The following TATDN2 variants were observed in gnomAD, a reference collection of about 807,000 sequenced individuals.
TATDN2 encodes TatD DNase domain containing 2.
In TATDN2, 44 loss-of-function variants were observed where a neutral mutation model predicts 60.3. The ratio of observed to expected loss-of-function variants is 0.73; its 90% CI spans 0.57 to 0.94. TATDN2 has a LOEUF of 0.94. Among genes scored for constraint, TATDN2 ranks in the 40% least tolerant of loss-of-function variants. The pLI is 0.00. For missense variants in TATDN2, 997 were observed against 948.0 expected, an observed-to-expected ratio of 1.05 and a Z score of -0.68; for synonymous variants, 399 against 355.8, an observed-to-expected ratio of 1.12 and a Z score of -1.37.
rs557484071 is a variant in TATDN2, at chr3:10,276,223, A to G, written c.1834-138A>G. On this transcript the variant is annotated intron_variant, in intron 4 of 7. Coordinates refer to ENST00000448281, the MANE Select transcript of TATDN2 (RefSeq NM_014760.4). ...TACCTGGCTCTATTGTAAGTGACCAATAATCATTAGCTATTATTACATTAT... is the reference window on the plus strand; with the variant it reads ...TACCTGGCTCTATTGTAAGTGACCAGTAATCATTAGCTATTATTACATTAT... The G allele has an allele frequency of 4.2e-5, 49 of 1,158,140 alleles. No homozygotes were observed. In the African/African-American group the frequency reaches 6.3e-4, roughly 15 times the overall value. 71.7% of individuals were successfully genotyped at this position (1,158,140 alleles called of 1,614,324 possible). A position where few individuals can be genotyped will look rare whatever the true frequency, so the allele number is the denominator to read the frequency against.
chr3:10,269,936 C>A (rs1190751617), intron 3 of TATDN2, among the ~76,000 whole-genome samples, 195 bp from the exon 4 acceptor site: 2 of 152,138 alleles, frequency 1.3e-5, no homozygotes, highest in Non-Finnish European at 2.9e-5. Flanking sequence ...CTGTTCACAG[C>A]AGTAACTTGG....
Position 10,276,356 on chromosome 3 carries a change from C to T in TATDN2, c.1834-5C>T, listed in dbSNP as rs772641582. 1.2e-6 allele frequency: 2 copies of T among 1,613,738 alleles called. No homozygotes were observed. The highest frequency in any genetic ancestry group is 1.7e-6 in the Non-Finnish European group (2 of 1,179,830). On this transcript the variant is annotated splice_region_variant and splice_polypyrimidine_tract_variant and intron_variant, in intron 4 of 7. Transcript: ENST00000448281. Reference sequence around the variant, plus strand: ...AACAGGGGTTGTCGCTGTGTCCTCTCCTAGGTATTTGAGAGACAGCTGCAG... The same window carrying T: ...AACAGGGGTTGTCGCTGTGTCCTCTTCTAGGTATTTGAGAGACAGCTGCAG...
rs1369833613 is a variant in TATDN2, at chr3:10,248,606, A to C, written c.-468A>C. ...GGCTGCCCGGCGGGACAGCTGCGGC[A>C]GCCGGCGGGGGGCGTCCTGAGTTGG... On this transcript the variant is annotated 5_prime_UTR_variant, in exon 1 of 8. Transcript: ENST00000448281. 5 of 151,760 alleles carry C rather than the reference A, an allele frequency of 3.3e-5. No homozygotes were observed. Among genetic ancestry groups the C allele is most frequent in the Admixed American group, 3.3e-4 (5 of 15,232 alleles). The allele number at this position is 151,760 out of a possible 1,614,324, so 9.4% of individuals were successfully genotyped here.
At chr3:10,252,979 C>T (rs570629451) in intron 2 of TATDN2, among the ~76,000 whole-genome samples, 2 of 151,984 alleles carry the variant, frequency 1.3e-5, no homozygotes, top group South Asian at 2.1e-4. Flanking sequence ...TCCTCAGCCT[C>T]CCCAGCAGCT....
rs1269329608 is a variant in TATDN2 at position 10,249,003 on chromosome 3, C to G, written c.-71C>G. The G allele has an allele frequency of 1.6e-5, 9 of 561,944 alleles. No individual in the cohort carries two copies. Among genetic ancestry groups the G allele is most frequent in the Middle Eastern group, 5.1e-4 (1 of 1,970 alleles). The allele number at this position is 561,944 out of a possible 1,614,324, so 34.8% of individuals were successfully genotyped here. A position where few individuals can be genotyped will look rare whatever the true frequency, so the allele number is the denominator to read the frequency against. On this transcript the variant is annotated 5_prime_UTR_variant, in exon 1 of 8. Transcript: ENST00000448281. ...TCAATTTTGGATCGCTTTGACTTCT[C>G]CAACACGGTTTGGCATCTCTGAAAC...
At chr3:10,276,962 T>TC in intron 5 of TATDN2, among the ~76,000 whole-genome samples, 1 of 152,152 alleles carries the variant, frequency 6.6e-6, no homozygotes, top group East Asian at 1.9e-4. Flanking sequence ...CTTTTTTTTT[T>TC]TTTTTGCTCA....
In TATDN2 at chr3:10,278,567, G is replaced by C; in HGVS notation, c.2145+105G>C. On this transcript the variant is annotated intron_variant, in intron 6 of 7. Coordinates refer to ENST00000448281, the MANE Select transcript of TATDN2 (RefSeq NM_014760.4). This position sits in a 1 kb window ranked among gnomAD's most constrained non-coding sequence, Gnocchi z 4.7. ...GGGCCAGAGCCCCAGTGACTTCCAG[G>C]TCCCATCCTGGGCTGTGTAGATGCC... 6.8e-7 allele frequency: 1 copy of C among 1,470,836 alleles called. No individual in the cohort carries two copies. The highest frequency in any genetic ancestry group is 9.5e-7 in the Non-Finnish European group (1 of 1,057,752). 91.1% of individuals were successfully genotyped at this position (1,470,836 alleles called of 1,614,324 possible). A position where few individuals can be genotyped will look rare whatever the true frequency, so the allele number is the denominator to read the frequency against.
intron 3 of TATDN2, among the ~76,000 whole-genome samples, 194 bp downstream of exon 3, chr3:10,260,864 T>G (rs1437783019): frequency 8.1e-6 from 1 of 124,196 alleles, no homozygotes; most frequent in East Asian, 6.0e-4. Flanking sequence ...CTAAACTAAG[T>G]GCTTTTTTTT....
intron 2 of TATDN2, among the ~76,000 whole-genome samples, chr3:10,252,458 A>G (rs1467103156): frequency 6.6e-6 from 1 of 152,182 alleles, no homozygotes; most frequent in Non-Finnish European, 1.5e-5. Context: ...TATGTTTGTC[A>G]GTTTAAAAAC....
At chr3:10,274,731 G>C (rs1277186047) in intron 4 of TATDN2, among the ~76,000 whole-genome samples, 1 of 152,156 alleles carries the variant, frequency 6.6e-6, no homozygotes, top group Non-Finnish European at 1.5e-5. Context: ...TTTGATGTCT[G>C]TGGTCATTTT....
intron 2 of TATDN2, among the ~76,000 whole-genome samples, chr3:10,258,735 GC>G (rs58872029): frequency 0.094 from 14,292 of 152,110 alleles, 838 homozygotes; most frequent in East Asian, 0.28. Context: ...CTCCCAAAGT[GC>G]TGGGATTACA....
At chr3:10,249,103 C>G in intron 1 of TATDN2, 36 bp downstream of exon 1, 13 of 1,439,716 alleles carry the variant, frequency 9.0e-6, no homozygotes, top group Non-Finnish European at 1.2e-5. Flanking sequence ...GCCCTTATGT[C>G]TTGCCGTCCT....
At chr3:10,265,498 G>A (rs540847948) in intron 3 of TATDN2, among the ~76,000 whole-genome samples, 12 of 151,172 alleles carry the variant, frequency 7.9e-5, no homozygotes, top group East Asian at 2.0e-4. Flanking sequence ...TGGCTAACAC[G>A]GTGAAACCCC....
chr3:10,253,017 C>T (rs554514158), intron 2 of TATDN2, among the ~76,000 whole-genome samples: 5 of 152,178 alleles, frequency 3.3e-5, no homozygotes, highest in East Asian at 1.9e-4. Flanking sequence ...CCACCATGTC[C>T]GGCTAATTTT....
In TATDN2 at chr3:10,276,274, G is replaced by C. The variant is rs1576017455; in HGVS notation, c.1834-87G>C. The C allele has an allele frequency of 2.0e-6, 3 of 1,503,784 alleles. No individual in the cohort carries two copies. The African/African-American group carries it at 4.2e-5, about 21-fold the overall frequency. 93.2% of individuals were successfully genotyped at this position (1,503,784 alleles called of 1,614,324 possible). A position where few individuals can be genotyped will look rare whatever the true frequency, so the allele number is the denominator to read the frequency against. ...ATAGTTAAAAAAAGAGAGACACAGG[G>C]GGTGCCTGCTGGACTGGGCGTTCCA... On this transcript the variant is annotated intron_variant, in intron 4 of 7. Coordinates refer to ENST00000448281, the MANE Select transcript of TATDN2 (RefSeq NM_014760.4).
Position 10,270,843 on chromosome 3 carries a change from A to G in TATDN2, c.1661A>G (p.Glu554Gly), listed in dbSNP as rs749854960. ...TDCLWEELLK[E>G]DLVWGAFGCH... ...TGCCTATGGGAGGAGCTGTTGAAAGAGGATCTGGTCTGGGGGGCCTTTGGC... is the reference window on the plus strand; with the variant it reads ...TGCCTATGGGAGGAGCTGTTGAAAGGGGATCTGGTCTGGGGGGCCTTTGGC... The change falls in exon 4 of 8, where the codon GAG (glutamate) becomes GGG (glycine). Residue 554 changes from glutamate (E) to glycine (G), a missense_variant. Glu to Gly is a moderately conservative substitution (Grantham distance 98, BLOSUM62 -2). Coordinates refer to ENST00000448281, the MANE Select transcript of TATDN2 (RefSeq NM_014760.4). The G allele has an allele frequency of 1.9e-6, 3 of 1,614,212 alleles. No individual in the cohort carries two copies. The highest frequency in any genetic ancestry group is 1.1e-5 in the South Asian group (1 of 91,076).
Position 10,270,944 on chromosome 3 carries a change from G to C in TATDN2, c.1762G>C (p.Ala588Pro), listed in dbSNP as rs1467322820. The C allele has an allele frequency of 6.2e-7, 1 of 1,613,668 alleles. No homozygotes were observed. Among genetic ancestry groups the C allele is most frequent in the East Asian group, 2.2e-5 (1 of 44,900 alleles). The change falls in exon 4 of 8, where the codon GCT (alanine) becomes CCT (proline). Residue 588 changes from alanine to proline, a missense_variant. By Grantham distance (27) the Ala-to-Pro change is conservative. Coordinates refer to ENST00000448281, the MANE Select transcript of TATDN2 (RefSeq NM_014760.4). Reference protein sequence around the residue: ...NLLQALRHPKAVAFGEMGLDY... With the variant: ...NLLQALRHPKPVAFGEMGLDY... Reference sequence around the variant, plus strand: ...TTTGCAAGCCTTAAGGCACCCTAAGGCTGTGGCATTTGGAGAAATGGGCTT... The same window carrying C: ...TTTGCAAGCCTTAAGGCACCCTAAGCCTGTGGCATTTGGAGAAATGGGCTT...
intron 4 of TATDN2, among the ~76,000 whole-genome samples, chr3:10,272,279 T>C (rs1698577609): frequency 6.6e-6 from 1 of 151,462 alleles, no homozygotes; most frequent in African/African-American, 2.4e-5. Flanking sequence ...TAATTAAAAA[T>C]AAAAATTTTT....
chr3:10,268,230 A>G (rs1456864070), intron 3 of TATDN2, among the ~76,000 whole-genome samples: 2 of 152,244 alleles, frequency 1.3e-5, no homozygotes, highest in Admixed American at 6.5e-5. Flanking sequence ...AAGGCAGGAA[A>G]GTATAAAATG....
Sources: gnomAD v4.1 joint callset for allele counts (sites outside exome capture counted in the v4.1 genomes callset) on GRCh38, gnomAD v4.1.1 for gene constraint, Gnocchi (gnomAD v3.1) non-coding constraint, MANE v1.5 for transcripts, NCBI Gene and HGNC (gene_info 2026-07-23, HGNC 2026-07-21) for gene names.